MARCHF3: variants seen among roughly 807,000 people sequenced by gnomAD.
MARCHF3 encodes the protein E3 ubiquitin-protein ligase MARCHF3.
MARCHF3 carries 13 observed loss-of-function variants against 24.2 expected under a neutral mutation model. The ratio of observed to expected loss-of-function variants is 0.54; its 90% CI spans 0.35 to 0.85. MARCHF3 has a LOEUF of 0.85. MARCHF3 is among the 40% of genes least tolerant of loss of function. The probability of loss-of-function intolerance (pLI) is 0.01; values close to 1 mark genes in which losing one functional copy is unlikely to be tolerated. For missense variants in MARCHF3, 276 were observed against 325.0 expected (o/e 0.85, Z 1.16); for synonymous variants, 144 against 137.3 (o/e 1.05, Z -0.34).
intron 1 of MARCHF3, among the ~76,000 whole-genome samples, chr5:126,920,764 G>A (rs1258431809): frequency 6.6e-6 from 1 of 152,170 alleles, no homozygotes; most frequent in South Asian, 2.1e-4. Flanking sequence ...AAAGGAAGTA[G>A]TTCTAAATGT....
At chr5:126,984,032 T>C (rs1751481368) in intron 1 of MARCHF3, among the ~76,000 whole-genome samples, 1 of 151,258 alleles carries the variant, frequency 6.6e-6, no homozygotes, top group African/African-American at 2.4e-5. Flanking sequence ...GCTAACTGGA[T>C]AGGACTGGGG....
chr5:126,870,629 A>C lies in MARCHF3; in HGVS notation c.*4T>G, dbSNP rs775401855. On this transcript the variant is annotated 3_prime_UTR_variant, in exon 5 of 5. Transcript: ENST00000308660. ...AATCAAACAACCAACCAACCATACA[A>C]ACATCAAACAACTGTCTCCTTTGAG... The C allele has an allele frequency of 6.2e-7, 1 of 1,613,902 alleles. No individual in the cohort carries two copies. The highest frequency in any genetic ancestry group is 8.5e-7 in the Non-Finnish European group (1 of 1,179,854).
In MARCHF3 at chr5:126,892,684, G is replaced by A. The variant is rs1390027299; in HGVS notation, c.394-14290C>T. Among the ~76,000 whole-genome samples the A allele has an allele frequency of 2.7e-5, 4 of 149,726 alleles. 1 individual carries two copies. Among genetic ancestry groups the A allele is most frequent in the African/African-American group, 1.0e-4 (4 of 39,416 alleles). The stretch of plus-strand genomic sequence containing the variant: ...AGCTTTTTGATGTGCTGCTGGATTC[G>A]TTTTGCCAGTATTTTATTGAGAATT... On this transcript the variant is annotated intron_variant, in intron 3 of 4. Coordinates refer to ENST00000308660, the MANE Select transcript of MARCHF3 (RefSeq NM_178450.5).
chr5:126,914,471 C>T (rs1023555689), intron 3 of MARCHF3, among the ~76,000 whole-genome samples: 1 of 152,016 alleles, frequency 6.6e-6, no homozygotes, highest in Non-Finnish European at 1.5e-5. Context: ...GAACCCAGGA[C>T]ATCTGGGTCT....
chr5:126,951,227 C>T (rs1319865282), intron 1 of MARCHF3, among the ~76,000 whole-genome samples: 1 of 152,198 alleles, frequency 6.6e-6, no homozygotes, highest in African/African-American at 2.4e-5. Flanking sequence ...AATTTTCCTT[C>T]TACCTCACTG....
intron 1 of MARCHF3, among the ~76,000 whole-genome samples, chr5:126,939,237 C>T (rs1289645072): frequency 6.6e-6 from 1 of 152,126 alleles, no homozygotes; most frequent in Non-Finnish European, 1.5e-5. Context: ...TATGCCTTCC[C>T]TAGATATGAA....
rs181550072 is a variant in MARCHF3, at chr5:126,875,681, G to C, written c.603+2504C>G. Among the ~76,000 whole-genome samples, 851 of 152,268 alleles carry C rather than the reference G, an allele frequency of 5.6e-3. 11 individuals carry two copies. Among genetic ancestry groups the C allele is most frequent in the African/African-American group, 0.02 (817 of 41,534 alleles). ...AGCACGTTTTTCACACCAGTCAAAG[G>C]GGGAGAGATGCCTTCTTTCCCTCCT... On this transcript the variant is annotated intron_variant, in intron 4 of 4. Coordinates refer to ENST00000308660, the MANE Select transcript of MARCHF3 (RefSeq NM_178450.5).
intron 4 of MARCHF3, among the ~76,000 whole-genome samples, chr5:126,872,040 A>G (rs140263311): frequency 2.7e-5 from 4 of 149,076 alleles, no homozygotes; most frequent in African/African-American, 9.9e-5. Context: ...TGATGGTAGA[A>G]GCAGTGACAT....
intron 1 of MARCHF3, among the ~76,000 whole-genome samples, chr5:127,010,355 C>T (rs1752435892): frequency 6.6e-6 from 1 of 152,184 alleles, no homozygotes; most frequent in Non-Finnish European, 1.5e-5. Flanking sequence ...TTTGTACACT[C>T]CTGGATATTT....
chr5:127,029,292 T>C (rs1247096398), intron 1 of MARCHF3, among the ~76,000 whole-genome samples: 2 of 152,202 alleles, frequency 1.3e-5, no homozygotes, highest in Non-Finnish European at 2.9e-5. Context: ...TACAGAACTA[T>C]ATATCTCAAC....
intron 1 of MARCHF3, among the ~76,000 whole-genome samples, chr5:126,937,706 C>T (rs1330030021): frequency 6.6e-6 from 1 of 152,192 alleles, no homozygotes; most frequent in African/African-American, 2.4e-5. Flanking sequence ...TTAATACTGA[C>T]TAAATGGATA....
At chr5:126,878,110 A>C in intron 4 of MARCHF3, 75 bp downstream of exon 4, 1 of 1,449,176 alleles carries the variant, frequency 6.9e-7, no homozygotes, top group Non-Finnish European at 9.6e-7. Flanking sequence ...TGTTACAGAC[A>C]AGAGGAAAGG....
chr5:126,962,232 A>ATC (rs547331717), intron 1 of MARCHF3, among the ~76,000 whole-genome samples: 2 of 151,804 alleles, frequency 1.3e-5, no homozygotes, highest in South Asian at 2.1e-4. Flanking sequence ...ATATCTATAT[A>ATC]TCTCTCTCTC....
At chr5:126,911,732 C>T (rs1413317312) in intron 3 of MARCHF3, among the ~76,000 whole-genome samples, 1 of 152,084 alleles carries the variant, frequency 6.6e-6, no homozygotes, top group Non-Finnish European at 1.5e-5. Flanking sequence ...TAAAAGGATT[C>T]ACCAATATTT....
At chr5:127,018,511 G>A (rs1229678588) in intron 1 of MARCHF3, among the ~76,000 whole-genome samples, 3 of 152,188 alleles carry the variant, frequency 2.0e-5, no homozygotes, top group Non-Finnish European at 2.9e-5. Flanking sequence ...GTAGTCCTGG[G>A]AGGCACCTAT....
chr5:127,001,551 C>T (rs2126850831), intron 1 of MARCHF3, among the ~76,000 whole-genome samples: 1 of 152,286 alleles, frequency 6.6e-6, no homozygotes, highest in South Asian at 2.1e-4. Context: ...ACTCAGGAGT[C>T]ATATTTGCTT....
intron 3 of MARCHF3, among the ~76,000 whole-genome samples, chr5:126,893,688 C>T (rs1159506542): frequency 7.4e-6 from 1 of 135,784 alleles, no homozygotes; most frequent in Non-Finnish European, 1.6e-5. Flanking sequence ...TTTACATTTG[C>T]TGAGGAGAGC....
At chr5:126,933,389 T>C (rs928710620) in intron 1 of MARCHF3, among the ~76,000 whole-genome samples, 2 of 152,014 alleles carry the variant, frequency 1.3e-5, no homozygotes, top group South Asian at 2.1e-4. Context: ...ATAATCACTA[T>C]GGCAAATTCA....
chr5:126,996,806 G>GA (rs765466166), intron 1 of MARCHF3, among the ~76,000 whole-genome samples: 5 of 151,656 alleles, frequency 3.3e-5, no homozygotes, highest in East Asian at 3.9e-4. Flanking sequence ...ACGCAAGTAA[G>GA]AAAAAAAATA....
Sources: gnomAD v4.1 joint callset for allele counts (sites outside exome capture counted in the v4.1 genomes callset) on GRCh38, gnomAD v4.1.1 for gene constraint, MANE v1.5 for transcripts, NCBI Gene and HGNC (gene_info 2026-07-23, HGNC 2026-07-21) for gene names.